RABGAP1L: variants seen among roughly 807,000 people sequenced by gnomAD.
RABGAP1L encodes RAB GTPase activating protein 1 like.
A neutral mutation model predicts 137.7 loss-of-function variants in RABGAP1L; 63 were observed. The ratio of observed to expected loss-of-function variants is 0.46; its 90% confidence interval spans 0.37 to 0.56. The LOEUF (loss-of-function observed/expected upper bound fraction) is 0.56, where lower values mean the gene tolerates loss of function less well. Among genes scored for constraint, RABGAP1L ranks in the 20% least tolerant of loss-of-function variants. The probability of loss-of-function intolerance (pLI) is 0.00; values close to 1 mark genes in which losing one functional copy is unlikely to be tolerated. For synonymous variants in RABGAP1L, 431 were observed against 433.7 expected (o/e 0.99, Z 0.08); for missense variants, 1,095 against 1,244.0 (o/e 0.88, Z 1.80).
intron 11 of RABGAP1L, among the ~76,000 whole-genome samples, chr1:174,362,275 T>C (rs1208309442): frequency 1.3e-5 from 2 of 152,198 alleles, no homozygotes; most frequent in African/African-American, 4.8e-5. Context: ...ATAGAACAAT[T>C]TATATTTCTT....
chr1:174,682,148 G>A (rs1349581940), intron 14 of RABGAP1L, among the ~76,000 whole-genome samples: 2 of 151,996 alleles, frequency 1.3e-5, no homozygotes, highest in Non-Finnish European at 2.9e-5. Flanking sequence ...GGGTGTGGTG[G>A]TGGGCCCTTG....
intron 17 of RABGAP1L, among the ~76,000 whole-genome samples, chr1:174,733,359 A>G (rs547264293): frequency 2.6e-5 from 4 of 152,310 alleles, no homozygotes; most frequent in Admixed American, 6.5e-5. Context: ...CATCCCTCCC[A>G]GATCACAGGC....
Position 174,967,904 on chromosome 1 carries a change from T to C in RABGAP1L, c.2434-1373T>C, listed in dbSNP as rs943037931. ...TATGTTTTTCAATAATGTTTTAACA[T>C]TCTCCAACTATTCTTATTTTTTTCC... is the stretch of plus-strand genomic sequence containing the variant. On this transcript the variant is annotated intron_variant, in intron 20 of 25. Coordinates refer to ENST00000681986, the MANE Select transcript of RABGAP1L (RefSeq NM_001366446.1). 2.0e-5 allele frequency among the ~76,000 whole-genome samples: 3 copies of C among 149,518 alleles called. No homozygotes were observed. In the South Asian group the frequency reaches 6.3e-4, roughly 31 times the overall value.
At chr1:174,511,300 A>G (rs1662305976) in intron 13 of RABGAP1L, among the ~76,000 whole-genome samples, 1 of 152,198 alleles carries the variant, frequency 6.6e-6, no homozygotes, top group Non-Finnish European at 1.5e-5. Flanking sequence ...ATGCAGAGAT[A>G]TATGTTTTCA....
At chr1:174,941,879 A>C (rs781617511) in intron 19 of RABGAP1L, among the ~76,000 whole-genome samples, 114 of 152,322 alleles carry the variant, frequency 7.5e-4, no homozygotes, top group Admixed American at 1.2e-3. Flanking sequence ...TTATGGCATT[A>C]ATAAAATTTT....
At chr1:174,258,210 G>A (rs1395505380) in intron 7 of RABGAP1L, among the ~76,000 whole-genome samples, 2 of 152,190 alleles carry the variant, frequency 1.3e-5, no homozygotes, top group Non-Finnish European at 2.9e-5. Flanking sequence ...TATTTAATAT[G>A]TTTAAATCAG....
chr1:174,673,746 A>G (rs542749748), intron 14 of RABGAP1L, among the ~76,000 whole-genome samples: 1 of 152,316 alleles, frequency 6.6e-6, no homozygotes, highest in South Asian at 2.1e-4. Context: ...TAAAAGATGC[A>G]TATGTGGTAC....
At chr1:174,882,526 A>T (rs547241761) in intron 19 of RABGAP1L, among the ~76,000 whole-genome samples, 49 of 152,270 alleles carry the variant, frequency 3.2e-4, no homozygotes, top group Middle Eastern at 3.4e-3. Context: ...TTTCTGTTTT[A>T]TTCAATCGTT....
chr1:174,322,506 T>C (rs550684412), intron 11 of RABGAP1L, among the ~76,000 whole-genome samples: 132 of 152,304 alleles, frequency 8.7e-4, no homozygotes, highest in African/African-American at 3.0e-3. Context: ...TCAGTTTCTC[T>C]TCACATAAGT....
intron 14 of RABGAP1L, among the ~76,000 whole-genome samples, chr1:174,644,632 A>G (rs754655608): frequency 2.0e-5 from 3 of 151,910 alleles, no homozygotes; most frequent in Admixed American, 6.6e-5. Flanking sequence ...ATTTTTTTTC[A>G]TATTTGAGAT....
chr1:174,607,096 G>A (rs1342539385), intron 13 of RABGAP1L, among the ~76,000 whole-genome samples: 2 of 151,968 alleles, frequency 1.3e-5, no homozygotes, highest in Non-Finnish European at 2.9e-5. Flanking sequence ...TATAATTAAG[G>A]ACTAATTTTT....
chr1:174,167,811 A>AGTT (rs1350163949), intron 1 of RABGAP1L, among the ~76,000 whole-genome samples: 1 of 152,196 alleles, frequency 6.6e-6, no homozygotes, highest in Non-Finnish European at 1.5e-5. Context: ...ACATATCACT[A>AGTT]GTTTTTTTTA....
intron 13 of RABGAP1L, among the ~76,000 whole-genome samples, chr1:174,516,038 A>C (rs907809697): frequency 4.6e-5 from 7 of 151,962 alleles, no homozygotes; most frequent in African/African-American, 1.4e-4. Context: ...TCACTTGCAA[A>C]TATTCAACTG....
chr1:174,556,981 G>A (rs1237810443), intron 13 of RABGAP1L, among the ~76,000 whole-genome samples: 1 of 152,162 alleles, frequency 6.6e-6, no homozygotes, highest in Non-Finnish European at 1.5e-5. Context: ...TGTCTGCAAA[G>A]GATCTTATCT....
chr1:174,266,175 T>A (rs2148645188), intron 7 of RABGAP1L, among the ~76,000 whole-genome samples: 1 of 152,328 alleles, frequency 6.6e-6, no homozygotes. Flanking sequence ...TTAACTTCTC[T>A]GTGCTTCAGT....
chr1:174,598,331 A>T (rs1670135405), intron 13 of RABGAP1L, among the ~76,000 whole-genome samples: 1 of 146,072 alleles, frequency 6.8e-6, no homozygotes, highest in South Asian at 2.1e-4. Flanking sequence ...TGTCTCAAAA[A>T]AAAAAAAAAA....
intron 19 of RABGAP1L, among the ~76,000 whole-genome samples, chr1:174,907,480 T>A (rs1001035406): frequency 6.6e-6 from 1 of 151,936 alleles, no homozygotes; most frequent in Admixed American, 6.6e-5. Context: ...ACCTGGCTCA[T>A]TTTTTTGTAT....
chr1:174,520,984 A>G (rs1663318341), intron 13 of RABGAP1L, among the ~76,000 whole-genome samples: 1 of 152,250 alleles, frequency 6.6e-6, no homozygotes, highest in African/African-American at 2.4e-5. Flanking sequence ...GTGGCGACAT[A>G]GCGAGACTCT....
At chr1:174,972,887 A>G (rs1670274456) in intron 21 of RABGAP1L, among the ~76,000 whole-genome samples, 1 of 149,444 alleles carries the variant, frequency 6.7e-6, no homozygotes, top group African/African-American at 2.5e-5. Flanking sequence ...AATTATGGTG[A>G]AGGCTTTATA....
Sources: gnomAD v4.1 joint callset for allele counts (sites outside exome capture counted in the v4.1 genomes callset) on GRCh38, gnomAD v4.1.1 for gene constraint, MANE v1.5 for transcripts, NCBI Gene and HGNC (gene_info 2026-07-23, HGNC 2026-07-21) for gene names.